The following RIC1 variants were observed in gnomAD, a reference collection of about 807,000 sequenced individuals.
RIC1 encodes guanine nucleotide exchange factor subunit RIC1.
RIC1 carries 88 observed loss-of-function variants against 169.0 expected under a neutral mutation model. The observed-to-expected ratio is 0.52, with a 90% CI of 0.44 to 0.62. The LOEUF (loss-of-function observed/expected upper bound fraction) is 0.62. Among genes scored for constraint, RIC1 ranks in the 20% least tolerant of loss-of-function variants. RIC1 has a pLI of 0.00. For synonymous variants in RIC1, 790 were observed against 601.5 expected (o/e 1.31, Z -4.59); for missense variants, 1,877 against 1,725.5 (o/e 1.09, Z -1.56).
At chr9:5,636,905 C>G (rs548585144) in intron 1 of RIC1, among the ~76,000 whole-genome samples, 1 of 152,040 alleles carries the variant, frequency 6.6e-6, no homozygotes, top group African/African-American at 2.4e-5. Flanking sequence ...TTTGTATTAT[C>G]TATAGTGCCT....
At chr9:5,690,069 T>C (rs1166037036) in intron 3 of RIC1, 31 bp downstream of exon 3, 1 of 1,401,396 alleles carries the variant, frequency 7.1e-7, no homozygotes, top group Non-Finnish European at 9.9e-7. Flanking sequence ...TCTTTTAATA[T>C]GTGATTTGCA....
intron 1 of RIC1, among the ~76,000 whole-genome samples, chr9:5,650,780 C>G (rs1818760943): frequency 2.6e-5 from 4 of 152,126 alleles, no homozygotes; most frequent in Admixed American, 6.5e-5. Flanking sequence ...CCCAGTATAC[C>G]CTCCCCAGTG....
Position 5,770,074 on chromosome 9 carries a change from A to T in RIC1, c.3425-13A>T. 6.3e-7 allele frequency: 1 copy of T among 1,587,634 alleles called. No homozygotes were observed. The highest frequency in any genetic ancestry group is 8.6e-7 in the Non-Finnish European group (1 of 1,168,034). ...TTCTTCCTCCATTTTTTGTTTTCGG[A>T]CCCACTCTGCAGTGGGAGAGCAGCT... On this transcript the variant is annotated splice_polypyrimidine_tract_variant and intron_variant, in intron 22 of 25. Transcript: ENST00000414202.
intron 2 of RIC1, among the ~76,000 whole-genome samples, chr9:5,659,113 G>T (rs1333771480): frequency 6.6e-6 from 1 of 151,890 alleles, no homozygotes; most frequent in Non-Finnish European, 1.5e-5. Context: ...AAAAAAAGTT[G>T]TACTTTATGT....
At chr9:5,654,399 A>G (rs919635650) in intron 1 of RIC1, among the ~76,000 whole-genome samples, 1 of 152,050 alleles carries the variant, frequency 6.6e-6, no homozygotes, top group Non-Finnish European at 1.5e-5. Flanking sequence ...GGTGACTGCC[A>G]CCATGTCCAG....
At position 5,769,146 on chromosome 9, in the gene RIC1, A is replaced by G. The variant is rs1827016395; in HGVS notation, c.3314A>G (p.Asp1105Gly). ...CKERTRAARV[D>G]NFVIALKRLH... Reference sequence around the variant, plus strand: ...GAACGTACCCGAGCCGCCCGGGTAGACAACTTTGTAATAGCCCTGAAGAGA... The same window carrying G: ...GAACGTACCCGAGCCGCCCGGGTAGGCAACTTTGTAATAGCCCTGAAGAGA... Residue 1105 changes from aspartate to glycine, a missense_variant, in exon 22 of 26, where the codon GAC becomes GGC. Asp to Gly is a moderately conservative substitution (Grantham distance 94). This residue lies in a region of RIC1 where 681 missense variants were observed against 582.0 expected (regional missense o/e 1.17). Coordinates refer to ENST00000414202, the MANE Select transcript of RIC1 (RefSeq NM_020829.4). The G allele has an allele frequency of 6.2e-7, 1 of 1,614,164 alleles. No individual in the cohort carries two copies. Among genetic ancestry groups the G allele is most frequent in the Non-Finnish European group, 8.5e-7 (1 of 1,179,994 alleles).
chr9:5,770,090 G>C lies in RIC1; in HGVS notation c.3428G>C (p.Gly1143Ala). 6.2e-7 allele frequency: 1 copy of C among 1,610,512 alleles called. No homozygotes were observed. Among genetic ancestry groups the C allele is most frequent in the South Asian group, 1.1e-5 (1 of 90,688 alleles). Reference protein sequence around the residue: ...PFKNGKYRTVGEQLLKSQSAD... With the variant: ...PFKNGKYRTVAEQLLKSQSAD... ...TGTTTTCGGACCCACTCTGCAGTGG[G>C]AGAGCAGCTGTTAAAGTCTCAATCA... Residue 1143 changes from glycine (G) to alanine (A), a missense_variant, in exon 23 of 26, where the codon GGA becomes GCA. This residue lies in a region of RIC1 where 681 missense variants were observed against 582.0 expected (regional missense o/e 1.17). Transcript: ENST00000414202.
In RIC1 at chr9:5,693,639, A is replaced by T. The variant is rs142193386; in HGVS notation, c.332+3601A>T. ...TGGCTTGGAAATTTTAGTGAAATTA[A>T]TGAAGGAAACTTCCAGGGATAAGTC... On this transcript the variant is annotated intron_variant, in intron 3 of 25. Coordinates refer to ENST00000414202, the MANE Select transcript of RIC1 (RefSeq NM_020829.4). 8.7e-4 allele frequency among the ~76,000 whole-genome samples: 132 copies of T among 152,326 alleles called. 1 individual carries two copies. The highest frequency in any genetic ancestry group is 3.1e-3 in the African/African-American group (128 of 41,580).
At chr9:5,742,640 A>C (rs1414662350) in intron 8 of RIC1, among the ~76,000 whole-genome samples, 1 of 152,156 alleles carries the variant, frequency 6.6e-6, no homozygotes, top group Non-Finnish European at 1.5e-5. Flanking sequence ...AACAGCTTTC[A>C]CTTCTTACAA....
At chr9:5,642,080 C>A (rs1251925898) in intron 1 of RIC1, among the ~76,000 whole-genome samples, 1 of 144,422 alleles carries the variant, frequency 6.9e-6, no homozygotes. Flanking sequence ...AGAAGTCTTT[C>A]CAGTTATTCG....
intron 17 of RIC1, among the ~76,000 whole-genome samples, chr9:5,760,278 A>ATG (rs1363024428): frequency 1.3e-5 from 2 of 152,196 alleles, no homozygotes; most frequent in Non-Finnish European, 2.9e-5. Context: ...TTGGGCATAC[A>ATG]TGTAGCCCTT....
intron 3 of RIC1, among the ~76,000 whole-genome samples, chr9:5,696,780 T>C (rs1358660168): frequency 2.0e-5 from 3 of 152,260 alleles, no homozygotes; most frequent in Admixed American, 1.3e-4. Flanking sequence ...GATTGGATGT[T>C]AGATACTGTA....
At chr9:5,760,721 T>C (rs955690373) in intron 17 of RIC1, among the ~76,000 whole-genome samples, 8 of 152,202 alleles carry the variant, frequency 5.3e-5, no homozygotes, top group African/African-American at 1.9e-4. Flanking sequence ...AGATAACCAA[T>C]TTTTTTATTT....
intron 3 of RIC1, among the ~76,000 whole-genome samples, chr9:5,708,370 A>T (rs1262009244): frequency 6.6e-6 from 1 of 152,136 alleles, no homozygotes; most frequent in Admixed American, 6.6e-5. Flanking sequence ...TACTTTTATC[A>T]GTGTTCTTTA....
At chr9:5,670,772 G>C (rs900829354) in intron 2 of RIC1, among the ~76,000 whole-genome samples, 2 of 152,192 alleles carry the variant, frequency 1.3e-5, no homozygotes, top group East Asian at 1.9e-4. Flanking sequence ...TGAAGAGCTG[G>C]CTGAACAGAA....
chr9:5,740,873 G>A (rs1825045133), intron 8 of RIC1, among the ~76,000 whole-genome samples: 2 of 152,156 alleles, frequency 1.3e-5, no homozygotes, highest in Admixed American at 1.3e-4. Flanking sequence ...ATCACAATTA[G>A]GATATTTAAC....
Position 5,756,220 on chromosome 9 carries a change from A to T in RIC1, c.1701A>T (p.Val567=). The part of the protein sequence containing the change: ...NINDRQEELR[V]YLRTSNLDNA... ...ATTTTTGTTTTCTTCAGCTTAGAGT[A>T]TACTTGCGAACATCAAATCTGGACA... Residue 567 remains valine (V), a synonymous_variant, in exon 16 of 26, where the codon GTA becomes GTT. Transcript: ENST00000414202. 1 of 1,568,252 alleles carries T rather than the reference A, an allele frequency of 6.4e-7. No individual in the cohort carries two copies. The highest frequency in any genetic ancestry group is 1.8e-5 in the Admixed American group (1 of 56,912).
At chr9:5,725,722 T>A (rs1823933110) in intron 6 of RIC1, among the ~76,000 whole-genome samples, 1 of 152,218 alleles carries the variant, frequency 6.6e-6, no homozygotes, top group African/African-American at 2.4e-5. Flanking sequence ...CTCTACACAC[T>A]GCTTTAAATA....
At chr9:5,715,430 A>G (rs1381844451) in intron 4 of RIC1, among the ~76,000 whole-genome samples, 1 of 152,220 alleles carries the variant, frequency 6.6e-6, no homozygotes, top group Non-Finnish European at 1.5e-5. Context: ...AGGTGGTTGG[A>G]AATCTGTAAG....
Sources: gnomAD v4.1 joint callset for allele counts (sites outside exome capture counted in the v4.1 genomes callset) on GRCh38, gnomAD v4.1.1 for gene constraint, gnomAD v4.1.1 regional missense constraint, MANE v1.5 for transcripts, NCBI Gene and HGNC (gene_info 2026-07-23, HGNC 2026-07-21) for gene names.